Variants in DZIP3 observed in about 807,000 individuals in gnomAD.
The protein encoded by DZIP3 is DAZ interacting zinc finger protein 3.
Under a neutral mutation model 162.0 loss-of-function variants are expected in DZIP3, and 118 were observed. The ratio of observed to expected loss-of-function variants is 0.73; its 90% CI spans 0.63 to 0.85. DZIP3 has a LOEUF of 0.85. Among genes scored for constraint, DZIP3 ranks in the 40% least tolerant of loss-of-function variants. The pLI is 0.00. For synonymous variants in DZIP3, 438 were observed against 458.6 expected (o/e 0.96, Z 0.57); for missense variants, 1,331 against 1,407.0 (o/e 0.95, Z 0.86).
chr3:108,661,959 AC>A lies in DZIP3; in HGVS notation c.2283del (p.Tyr762IlefsTer10). ...CGTCAAAGGCAGCTTTATAAATTGC[AC>A]TATCAGTGTGAAGTAAGTATTTTTG... ...LARQRQLYKLHYQCEDFKRQL... is the reference protein window; with the variant it reads ...LARQRQLYKLXYQCEDFKRQL... On this transcript the variant is annotated frameshift_variant, in exon 20 of 33. Coordinates refer to ENST00000361582, the MANE Select transcript of DZIP3 (RefSeq NM_014648.4). LOFTEE classifies it high-confidence loss of function. The A allele has an allele frequency of 6.2e-7, 1 of 1,613,810 alleles. No homozygotes were observed. Among genetic ancestry groups the A allele is most frequent in the Non-Finnish European group, 8.5e-7 (1 of 1,179,762 alleles).
At chr3:108,598,736 C>T (rs1442863737) in intron 1 of DZIP3, among the ~76,000 whole-genome samples, 1 of 152,184 alleles carries the variant, frequency 6.6e-6, no homozygotes, top group Non-Finnish European at 1.5e-5. Context: ...TATCTAACAA[C>T]TATAATGACA....
intron 1 of DZIP3, among the ~76,000 whole-genome samples, chr3:108,602,302 A>G (rs1425026936): frequency 6.6e-6 from 1 of 152,218 alleles, no homozygotes; most frequent in Non-Finnish European, 1.5e-5. Context: ...AATTTCAGTA[A>G]GTAAGAGGGA....
At chr3:108,691,846 C>T (rs1259870760) in intron 32 of DZIP3, among the ~76,000 whole-genome samples, 1 of 152,144 alleles carries the variant, frequency 6.6e-6, no homozygotes, top group Non-Finnish European at 1.5e-5. Context: ...TTCTTATCTT[C>T]TGTTTGTTCT....
chr3:108,633,243 G>C (rs1422959925), intron 9 of DZIP3, among the ~76,000 whole-genome samples, 171 bp downstream of exon 9: 2 of 151,808 alleles, frequency 1.3e-5, no homozygotes, highest in Non-Finnish European at 2.9e-5. Flanking sequence ...CTTAGATTCA[G>C]AGTGATCAGG....
chr3:108,686,225 A>G (rs553025756), intron 27 of DZIP3, among the ~76,000 whole-genome samples: 1 of 152,332 alleles, frequency 6.6e-6, no homozygotes, highest in South Asian at 2.1e-4. Context: ...CCTAAAAGGG[A>G]TTGTGTATGC....
At position 108,672,612 on chromosome 3, in the gene DZIP3, G is replaced by A. The variant is rs202141071; in HGVS notation, c.2545G>A (p.Val849Ile). The A allele has an allele frequency of 1.1e-4, 183 of 1,611,484 alleles. No individual in the cohort carries two copies. The highest frequency in any genetic ancestry group is 3.7e-4 in the Admixed American group (22 of 59,728). The part of the protein sequence containing the change: ...HNLESTMKTY[V>I]SKLNAETSRA... Reference sequence around the variant, plus strand: ...TCTGGAAAGCACAATGAAAACATACGTAAGCAAACTGAACGCAGAAACTAG... The same window carrying A: ...TCTGGAAAGCACAATGAAAACATACATAAGCAAACTGAACGCAGAAACTAG... Residue 849 changes from valine (V) to isoleucine (I), a missense_variant, in exon 23 of 33, where the codon GTA (valine) becomes ATA (isoleucine). Val to Ile is a conservative substitution (Grantham distance 29). Coordinates refer to ENST00000361582, the MANE Select transcript of DZIP3 (RefSeq NM_014648.4).
At chr3:108,631,252 A>G (rs1941874369) in intron 8 of DZIP3, among the ~76,000 whole-genome samples, 1 of 151,324 alleles carries the variant, frequency 6.6e-6, no homozygotes, top group Non-Finnish European at 1.5e-5. Flanking sequence ...TGGTGGTGCA[A>G]CTCCTCTATT....
At chr3:108,678,023 C>T (rs1255178608) in intron 26 of DZIP3, among the ~76,000 whole-genome samples, 2 of 151,936 alleles carry the variant, frequency 1.3e-5, no homozygotes, top group African/African-American at 4.8e-5. Context: ...TACAGCTGCT[C>T]CCCATTGCTC....
At chr3:108,647,484 A>G (rs1942680951) in intron 15 of DZIP3, among the ~76,000 whole-genome samples, 1 of 152,190 alleles carries the variant, frequency 6.6e-6, no homozygotes, top group Non-Finnish European at 1.5e-5. Flanking sequence ...TCAAGGAGCA[A>G]AGTCTCAAAG....
At chr3:108,589,600 A>C (rs1939257191), upstream of DZIP3, 1 of 408,554 alleles carries the variant, frequency 2.4e-6, no homozygotes, top group South Asian at 4.1e-5. Flanking sequence ...GGGGGTTGGG[A>C]GCTGCCCCCG....
At chr3:108,610,871 AT>A (rs1285021779) in intron 3 of DZIP3, among the ~76,000 whole-genome samples, 6 of 152,214 alleles carry the variant, frequency 3.9e-5, no homozygotes, top group African/African-American at 1.4e-4. Flanking sequence ...AATTTGAACT[AT>A]TAACAACTAT....
At chr3:108,643,482 G>A (rs1295702175) in intron 13 of DZIP3, among the ~76,000 whole-genome samples, 2 of 151,724 alleles carry the variant, frequency 1.3e-5, no homozygotes, top group African/African-American at 4.8e-5. Context: ...CTAGAGTGGG[G>A]CCTGAGACTG....
At chr3:108,671,224 A>G (rs1470246859) in intron 22 of DZIP3, among the ~76,000 whole-genome samples, 1 of 151,656 alleles carries the variant, frequency 6.6e-6, no homozygotes, top group African/African-American at 2.4e-5. Context: ...TGAAGATTTT[A>G]TTTTTTTCTC....
chr3:108,625,509 T>C (rs1176829488), intron 6 of DZIP3, among the ~76,000 whole-genome samples: 1 of 152,186 alleles, frequency 6.6e-6, no homozygotes, highest in African/African-American at 2.4e-5. Flanking sequence ...ATCCTCCTGC[T>C]TCAGCCTGCT....
rs751364933 is a variant in DZIP3, at chr3:108,654,200, T to G, written c.2089T>G (p.Ser697Ala). 6.2e-7 allele frequency: 1 copy of G among 1,613,768 alleles called. No homozygotes were observed. Among genetic ancestry groups the G allele is most frequent in the Non-Finnish European group, 8.5e-7 (1 of 1,179,738 alleles). ...QLRKEQANPH[S>A]VSRLIKDDAS... ...GAGGAAAGAACAAGCAAATCCACAC[T>G]CAGTCAGTAGACTTATAAAAGATGA... is the stretch of plus-strand genomic sequence containing the variant. Residue 697 changes from serine (S) to alanine (A), a missense_variant, in exon 19 of 33, where the codon TCA becomes GCA. Coordinates refer to ENST00000361582, the MANE Select transcript of DZIP3 (RefSeq NM_014648.4).
chr3:108,653,426 A>AAGTGAAAGGACAGTAGTC (rs1942950973), intron 18 of DZIP3, among the ~76,000 whole-genome samples: 1 of 150,664 alleles, frequency 6.6e-6, no homozygotes, highest in Non-Finnish European at 1.5e-5. Context: ...ACTAAGTAGT[A>AAGTGAAAGGACAGTAGTC]GGCCAAGTGA....
At chr3:108,678,572 T>A (rs1175434146) in intron 26 of DZIP3, among the ~76,000 whole-genome samples, 1 of 152,120 alleles carries the variant, frequency 6.6e-6, no homozygotes, top group Non-Finnish European at 1.5e-5. Context: ...GCCCCTTCTC[T>A]GCTTGTTGTT....
At chr3:108,592,779 T>C (rs1939501290) in intron 1 of DZIP3, among the ~76,000 whole-genome samples, 2 of 152,230 alleles carry the variant, frequency 1.3e-5, no homozygotes, top group South Asian at 2.1e-4. Context: ...TGTCATACTG[T>C]CTTGTTCCAT....
intron 2 of DZIP3, among the ~76,000 whole-genome samples, 155 bp from the exon 3 acceptor site, chr3:108,607,934 C>T (rs1356700813): frequency 6.6e-6 from 1 of 152,152 alleles, no homozygotes; most frequent in Non-Finnish European, 1.5e-5. Flanking sequence ...TAACATGAGT[C>T]TCTAAAGAGA....
Sources: gnomAD v4.1 joint callset for allele counts (sites outside exome capture counted in the v4.1 genomes callset) on GRCh38, gnomAD v4.1.1 for gene constraint, MANE v1.5 for transcripts, NCBI Gene and HGNC (gene_info 2026-07-23, HGNC 2026-07-21) for gene names.